ITPRID1: variants seen among roughly 807,000 people sequenced by gnomAD.
The protein encoded by ITPRID1 is protein ITPRID1.
Under a neutral mutation model 95.4 loss-of-function variants are expected in ITPRID1, and 96 were observed. The observed-to-expected ratio is 1.01, with a 90% CI of 0.85 to 1.19. The LOEUF (loss-of-function observed/expected upper bound fraction) is 1.19, where lower values mean the gene tolerates loss of function less well. ITPRID1 is among the 50% of genes most tolerant of loss of function. ITPRID1 has a pLI of 0.00. For synonymous variants in ITPRID1, 510 were observed against 453.6 expected, an observed-to-expected ratio of 1.12 and a Z score of -1.58; for missense variants, 1,339 against 1,252.9, an observed-to-expected ratio of 1.07 and a Z score of -1.04.
In ITPRID1 at chr7:31,551,192, A is replaced by AT. The variant is rs1784275252; in HGVS notation, c.-24+1697dup. On this transcript the variant is annotated intron_variant, in intron 2 of 14. Transcript: ENST00000615280. ...TTTTGGAGTTTTTCCTCCTTGTGAA[A>AT]TTTTGCACTGTCAGTGTCGATGCTG... 1.4e-5 allele frequency among the ~76,000 whole-genome samples: 2 copies of AT among 143,372 alleles called. 1 individual carries two copies. Among genetic ancestry groups the AT allele is most frequent in the Non-Finnish European group, 3.1e-5 (2 of 63,656 alleles). 94.1% of individuals were successfully genotyped at this position (143,372 alleles called of 152,430 possible). A position where few individuals can be genotyped will look rare whatever the true frequency, so the allele number is the denominator to read the frequency against.
In ITPRID1 at chr7:31,653,092, C is replaced by A; in HGVS notation, c.*263C>A. On this transcript the variant is annotated 3_prime_UTR_variant, in exon 15 of 15. Transcript: ENST00000615280. ...GTATACGGTCTCTGCCCTGCTAGAA[C>A]TTACAGTGTAGTGGGGGAGATAGAA... The A allele has an allele frequency of 1.3e-6, 1 of 753,616 alleles. No homozygotes were observed. Among genetic ancestry groups the A allele is most frequent in the Non-Finnish European group, 1.9e-6 (1 of 531,716 alleles). The allele number at this position is 753,616 out of a possible 1,614,324, so 46.7% of individuals were successfully genotyped here.
At chr7:31,525,170 C>T (rs993621634) in intron 1 of ITPRID1, among the ~76,000 whole-genome samples, 6 of 152,324 alleles carry the variant, frequency 3.9e-5, no homozygotes, top group African/African-American at 1.4e-4. Context: ...GAAGCATCTG[C>T]ACTGTATTGA....
At chr7:31,522,920 G>A (rs1783311713) in intron 1 of ITPRID1, among the ~76,000 whole-genome samples, 1 of 152,170 alleles carries the variant, frequency 6.6e-6, no homozygotes, top group South Asian at 2.1e-4. Context: ...GAGAAAATAA[G>A]GGGTTTGTAG....
intron 10 of ITPRID1, among the ~76,000 whole-genome samples, chr7:31,604,033 A>G (rs1014866725): frequency 5.3e-5 from 8 of 152,190 alleles, no homozygotes; most frequent in African/African-American, 1.9e-4. Context: ...TTAGCTGTAT[A>G]CAAAACATAT....
At chr7:31,588,861 A>G (rs1272806058) in intron 10 of ITPRID1, among the ~76,000 whole-genome samples, 1 of 152,046 alleles carries the variant, frequency 6.6e-6, no homozygotes, top group Non-Finnish European at 1.5e-5. Flanking sequence ...GTGAACTGAG[A>G]TTTTCATTTG....
At chr7:31,608,342 T>A (rs942916336) in intron 10 of ITPRID1, among the ~76,000 whole-genome samples, 6 of 152,028 alleles carry the variant, frequency 3.9e-5, no homozygotes, top group African/African-American at 1.4e-4. Flanking sequence ...GACTACTTTA[T>A]GTCCTTTGCA....
At chr7:31,645,705 C>G (rs1790404524) in intron 12 of ITPRID1, among the ~76,000 whole-genome samples, 1 of 152,144 alleles carries the variant, frequency 6.6e-6, no homozygotes, top group African/African-American at 2.4e-5. Context: ...CACCCCTGAA[C>G]TCCCAGATGA....
chr7:31,559,578 T>C (rs1784561620), intron 5 of ITPRID1, among the ~76,000 whole-genome samples: 2 of 152,064 alleles, frequency 1.3e-5, no homozygotes, highest in African/African-American at 2.4e-5. Context: ...GGCAGGAGAA[T>C]TGCTTGAACC....
At chr7:31,620,666 A>C (rs1365600351) in intron 10 of ITPRID1, among the ~76,000 whole-genome samples, 5 of 150,748 alleles carry the variant, frequency 3.3e-5, no homozygotes, top group Non-Finnish European at 5.9e-5. Flanking sequence ...GGGAAAAAAC[A>C]GAACAGAAAA....
chr7:31,598,921 T>C (rs1353137563), intron 10 of ITPRID1, among the ~76,000 whole-genome samples: 1 of 152,178 alleles, frequency 6.6e-6, no homozygotes. Flanking sequence ...TATCAAGTGT[T>C]GGTGAGGCTA....
chr7:31,573,014 T>A (rs1785046039), intron 7 of ITPRID1, among the ~76,000 whole-genome samples: 1 of 152,126 alleles, frequency 6.6e-6, no homozygotes, highest in Non-Finnish European at 1.5e-5. Flanking sequence ...TCACCAGAAT[T>A]TTTTTCTTCC....
intron 9 of ITPRID1, among the ~76,000 whole-genome samples, chr7:31,580,968 C>A (rs1192928524): frequency 6.6e-6 from 1 of 152,144 alleles, no homozygotes; most frequent in African/African-American, 2.4e-5. Flanking sequence ...ATATTACATT[C>A]TCACTGGGGA....
intron 5 of ITPRID1, among the ~76,000 whole-genome samples, chr7:31,559,335 G>C (rs151285134): frequency 6.6e-6 from 1 of 152,126 alleles, no homozygotes. Flanking sequence ...CTTTTATGGT[G>C]CTCTACTTAT....
chr7:31,626,078 C>T (rs953849859), intron 10 of ITPRID1, among the ~76,000 whole-genome samples: 3 of 152,072 alleles, frequency 2.0e-5, no homozygotes, highest in African/African-American at 4.8e-5. Context: ...AAAGAACAGA[C>T]AGAAGTTCAA....
intron 10 of ITPRID1, among the ~76,000 whole-genome samples, chr7:31,591,751 T>C (rs546335653): frequency 2.4e-4 from 36 of 152,338 alleles, no homozygotes; most frequent in African/African-American, 7.7e-4. Context: ...AAAGCAGTTG[T>C]CTTTGGGGAA....
intron 1 of ITPRID1, among the ~76,000 whole-genome samples, chr7:31,522,361 A>C (rs1783292524): frequency 6.6e-6 from 1 of 152,168 alleles, no homozygotes; most frequent in Non-Finnish European, 1.5e-5. Context: ...TGAAGGTCAC[A>C]TTCACTGCCA....
In ITPRID1 at chr7:31,652,962, T is replaced by C; in HGVS notation, c.*133T>C. ...GCTATATCTCTCATATTCTACCCTT[T>C]GGTTAAACCCAAGAGGAGTTTAGAA... On this transcript the variant is annotated 3_prime_UTR_variant, in exon 15 of 15. Coordinates refer to ENST00000615280, the MANE Select transcript of ITPRID1 (RefSeq NM_001257967.3). The C allele has an allele frequency of 1.4e-6, 2 of 1,464,988 alleles. No individual in the cohort carries two copies. The highest frequency in any genetic ancestry group is 1.8e-6 in the Non-Finnish European group (2 of 1,111,304). 90.7% of individuals were successfully genotyped at this position (1,464,988 alleles called of 1,614,324 possible). A position where few individuals can be genotyped will look rare whatever the true frequency, so the allele number is the denominator to read the frequency against.
At chr7:31,549,574 G>T in intron 2 of ITPRID1, 75 bp downstream of exon 2, 1 of 1,047,036 alleles carries the variant, frequency 9.6e-7, no homozygotes, top group Non-Finnish European at 1.4e-6. Flanking sequence ...ACTCATTATA[G>T]ATATGAGGAA....
intron 10 of ITPRID1, among the ~76,000 whole-genome samples, chr7:31,592,069 G>A (rs116000018): frequency 0.021 from 3,228 of 152,166 alleles, 111 homozygotes; most frequent in African/African-American, 0.072. Context: ...TAATTTAGAA[G>A]GGTAAGAAAA....
Sources: allele counts gnomAD v4.1 joint callset (sites outside exome capture counted in the v4.1 genomes callset), GRCh38; gene constraint gnomAD v4.1.1; transcripts MANE v1.5; gene names NCBI Gene and HGNC (gene_info 2026-07-23, HGNC 2026-07-21).